The following RBFOX1 variants were observed in gnomAD, a reference collection of about 807,000 sequenced individuals.
RBFOX1 encodes RNA binding fox-1 homolog 1, also known as RNA binding protein fox-1 homolog 1.
Under a neutral mutation model 57.7 loss-of-function variants are expected in RBFOX1, and 8 were observed. That is an observed-to-expected ratio of 0.14 (90% CI 0.08 to 0.25). RBFOX1 has a LOEUF of 0.25. Ranked by LOEUF, RBFOX1 falls within the 10% of genes least tolerant of loss-of-function variation. The pLI is 1.00. For synonymous variants in RBFOX1, 326 were observed against 222.4 expected, an observed-to-expected ratio of 1.47 and a Z score of -4.15; for missense variants, 611 against 548.5, an observed-to-expected ratio of 1.11 and a Z score of -1.14.
intron 3 of RBFOX1, among the ~76,000 whole-genome samples, chr16:7,004,694 A>G (rs77355358): frequency 1.3e-5 from 2 of 152,228 alleles, no homozygotes; most frequent in African/African-American, 4.8e-5. Flanking sequence ...CAAAAGCCAC[A>G]TCATAACCAG....
chr16:7,456,994 A>G (rs1276833930), intron 4 of RBFOX1, among the ~76,000 whole-genome samples: 2 of 152,012 alleles, frequency 1.3e-5, no homozygotes, highest in East Asian at 3.9e-4. Context: ...GGATCCAAGC[A>G]ATTCTGCCTC....
intron 1 of RBFOX1, chr16:5,366,097 T>G: frequency 2.1e-6 from 1 of 467,176 alleles, no homozygotes. Flanking sequence ...CTCTTACGGT[T>G]GAAGTGTGGT....
chr16:7,174,092 G>T (rs748755250), intron 4 of RBFOX1, among the ~76,000 whole-genome samples: 2 of 152,120 alleles, frequency 1.3e-5, no homozygotes, highest in African/African-American at 2.4e-5. Context: ...CTCTAGATTT[G>T]CCTTTCCTGG....
chr16:6,673,290 T>C (rs2098779293), intron 3 of RBFOX1, among the ~76,000 whole-genome samples: 1 of 152,130 alleles, frequency 6.6e-6, no homozygotes, highest in Admixed American at 6.5e-5. Flanking sequence ...GTACCAGTCA[T>C]TCAAAAATGT....
chr16:6,850,124 A>C (rs1485113173), intron 3 of RBFOX1, among the ~76,000 whole-genome samples: 2 of 152,204 alleles, frequency 1.3e-5, no homozygotes, highest in African/African-American at 4.8e-5. Context: ...ATTCTAAAGT[A>C]AACTTACAAG....
chr16:6,312,918 C>A (rs1195583108), intron 1 of RBFOX1, among the ~76,000 whole-genome samples: 6 of 152,156 alleles, frequency 3.9e-5, no homozygotes, highest in African/African-American at 1.4e-4. Context: ...GTGAGACAGG[C>A]AAACTTTCAT....
intron 3 of RBFOX1, among the ~76,000 whole-genome samples, chr16:5,657,552 T>G (rs2081830800): frequency 6.6e-6 from 1 of 152,134 alleles, no homozygotes; most frequent in Non-Finnish European, 1.5e-5. Flanking sequence ...GCACTCACTT[T>G]TCACTTGCTG....
chr16:6,933,606 C>T (rs757633975), intron 3 of RBFOX1, among the ~76,000 whole-genome samples: 34 of 152,110 alleles, frequency 2.2e-4, no homozygotes, highest in Admixed American at 3.9e-4. Flanking sequence ...CCAGCTACTC[C>T]GGAGGCTGAA....
At chr16:5,617,493 C>T (rs1291309158) in intron 3 of RBFOX1, among the ~76,000 whole-genome samples, 1 of 152,194 alleles carries the variant, frequency 6.6e-6, no homozygotes, top group Non-Finnish European at 1.5e-5. Flanking sequence ...CAGGCTTGTT[C>T]CCCTCCTTTA....
In RBFOX1 at chr16:5,323,069, C is replaced by T. The variant is rs145000447; in HGVS notation, c.219+82964C>T. Among the ~76,000 whole-genome samples, 16 of 152,308 alleles carry T rather than the reference C, an allele frequency of 1.1e-4. No individual in the cohort carries two copies. The East Asian group carries it at 2.9e-3, about 28-fold the overall frequency. ...TTCTGCCTCTCTGTGCCTCAGTTTC[C>T]TCACCTGCAAAATGCAATGGGAACA... On this transcript the variant is annotated intron_variant, in intron 1 of 2. Coordinates refer to the RBFOX1 transcript ENST00000585867.
At chr16:6,900,610 C>G (rs568449679) in intron 3 of RBFOX1, among the ~76,000 whole-genome samples, 2 of 152,296 alleles carry the variant, frequency 1.3e-5, no homozygotes, top group Admixed American at 6.5e-5. Flanking sequence ...TGCTGAGTGT[C>G]ACAGCAGATG....
intron 2 of RBFOX1, among the ~76,000 whole-genome samples, chr16:5,529,438 T>C (rs9936072): frequency 0.41 from 60,502 of 149,364 alleles, 14,537 homozygotes; most frequent in East Asian, 0.86. Flanking sequence ...CCTTTGTTGC[T>C]CAGGCTGGAG....
intron 3 of RBFOX1, among the ~76,000 whole-genome samples, chr16:5,833,130 A>G (rs537802532): frequency 6.6e-6 from 1 of 152,184 alleles, no homozygotes; most frequent in Non-Finnish European, 1.5e-5. Context: ...AGCCTTATGC[A>G]TAAAGTCTCA....
intron 2 of RBFOX1, among the ~76,000 whole-genome samples, chr16:6,458,110 G>C (rs1005422046): frequency 1.3e-5 from 2 of 152,200 alleles, no homozygotes; most frequent in African/African-American, 4.8e-5. Flanking sequence ...GTTTGAAGAA[G>C]GGAACAGAAA....
chr16:6,670,063 C>G (rs149376379), intron 3 of RBFOX1, among the ~76,000 whole-genome samples: 52 of 152,238 alleles, frequency 3.4e-4, no homozygotes, highest in African/African-American at 1.2e-3. Context: ...GCTCTAGTGT[C>G]CACGTTGGAG....
At chr16:6,698,153 C>G (rs181304864) in intron 3 of RBFOX1, among the ~76,000 whole-genome samples, 6 of 152,180 alleles carry the variant, frequency 3.9e-5, no homozygotes, top group Non-Finnish European at 7.3e-5. Flanking sequence ...CAGAAATCCA[C>G]TTATATTTCT....
At chr16:6,902,819 T>C in intron 3 of RBFOX1, among the ~76,000 whole-genome samples, 1 of 152,190 alleles carries the variant, frequency 6.6e-6, no homozygotes. Context: ...ACATTATCCA[T>C]GATTGTACAC....
chr16:6,399,973 C>G (rs1229060669), intron 2 of RBFOX1, among the ~76,000 whole-genome samples: 3 of 152,116 alleles, frequency 2.0e-5, no homozygotes, highest in African/African-American at 7.2e-5. Flanking sequence ...TAGCCAGCCC[C>G]ACAATTCAAT....
chr16:5,675,213 C>T (rs979852338), intron 3 of RBFOX1, among the ~76,000 whole-genome samples: 12 of 151,408 alleles, frequency 7.9e-5, no homozygotes, highest in East Asian at 7.7e-4. Context: ...CATGCATGTA[C>T]TCACGCACAC....
Sources: gnomAD v4.1 joint callset for allele counts (sites outside exome capture counted in the v4.1 genomes callset) on GRCh38, gnomAD v4.1.1 for gene constraint, MANE v1.5 for transcripts, NCBI Gene and HGNC (gene_info 2026-07-23, HGNC 2026-07-21) for gene names.